Variants in SLIT3 observed in about 807,000 individuals in gnomAD.
SLIT3 encodes slit homolog 3 protein.
SLIT3 carries 68 observed loss-of-function variants against 184.0 expected under a neutral mutation model. The ratio of observed to expected loss-of-function variants is 0.37; its 90% CI spans 0.30 to 0.45. The LOEUF is 0.45. SLIT3 is among the 20% of genes least tolerant of loss of function. The pLI is 1.00. For missense variants in SLIT3, 1,707 were observed against 2,026.0 expected (o/e 0.84, Z 3.02); for synonymous variants, 831 against 828.6 (o/e 1.00, Z -0.05).
At chr5:168,814,033 G>A (rs1757249385) in intron 8 of SLIT3, among the ~76,000 whole-genome samples, 1 of 152,110 alleles carries the variant, frequency 6.6e-6, no homozygotes, top group African/African-American at 2.4e-5. Context: ...GTTCTTGACT[G>A]AATTTCTCCT....
intron 4 of SLIT3, among the ~76,000 whole-genome samples, chr5:169,030,979 C>T (rs996078939): frequency 1.3e-5 from 2 of 152,208 alleles, no homozygotes; most frequent in Non-Finnish European, 2.9e-5. Flanking sequence ...GCAGACAGGG[C>T]TCAGGGTATT....
At chr5:168,959,944 G>A (rs1203877959) in intron 4 of SLIT3, among the ~76,000 whole-genome samples, 2 of 152,186 alleles carry the variant, frequency 1.3e-5, no homozygotes, top group Non-Finnish European at 2.9e-5. Context: ...TTAGCGCTAA[G>A]GGAACGAAGG....
intron 3 of SLIT3, among the ~76,000 whole-genome samples, chr5:169,210,396 G>C (rs1764222977): frequency 6.6e-6 from 1 of 152,074 alleles, no homozygotes; most frequent in Non-Finnish European, 1.5e-5. Flanking sequence ...TTAAAGAGAG[G>C]CCAAGGAAAA....
chr5:168,821,595 T>C (rs1757533907), intron 7 of SLIT3, among the ~76,000 whole-genome samples: 1 of 152,234 alleles, frequency 6.6e-6, no homozygotes, highest in Non-Finnish European at 1.5e-5. Flanking sequence ...ACAGATTTTC[T>C]TGGCTGAGTT....
At chr5:168,877,562 C>G (rs1759779979) in intron 5 of SLIT3, among the ~76,000 whole-genome samples, 2 of 152,170 alleles carry the variant, frequency 1.3e-5, no homozygotes, top group Non-Finnish European at 1.5e-5. Context: ...TGTCCCTCCC[C>G]ACACCTCCCT....
At chr5:169,142,932 G>T (rs1761794988) in intron 4 of SLIT3, among the ~76,000 whole-genome samples, 2 of 152,184 alleles carry the variant, frequency 1.3e-5, no homozygotes, top group African/African-American at 2.4e-5. Flanking sequence ...AGTAATAAAA[G>T]AATATATCTT....
At chr5:169,018,972 C>T (rs1756496973) in intron 4 of SLIT3, among the ~76,000 whole-genome samples, 1 of 152,152 alleles carries the variant, frequency 6.6e-6, no homozygotes, top group Non-Finnish European at 1.5e-5. Flanking sequence ...CCATTAGCAC[C>T]CTGCATTGAC....
intron 34 of SLIT3, among the ~76,000 whole-genome samples, chr5:168,670,471 C>A (rs1205702251): frequency 6.6e-6 from 1 of 152,242 alleles, no homozygotes; most frequent in South Asian, 2.1e-4. Context: ...GTACATTTCA[C>A]CCATGGAAAA....
At chr5:169,134,405 G>A (rs978528679) in intron 4 of SLIT3, among the ~76,000 whole-genome samples, 2 of 152,160 alleles carry the variant, frequency 1.3e-5, no homozygotes, top group Admixed American at 1.3e-4. Flanking sequence ...CTTCATGCTT[G>A]CTGCTCCCTT....
intron 3 of SLIT3, among the ~76,000 whole-genome samples, chr5:169,222,521 A>G (rs915578428): frequency 1.3e-5 from 2 of 152,050 alleles, no homozygotes; most frequent in Admixed American, 1.3e-4. Context: ...GTGATGAAAG[A>G]AAAAAAAGAT....
chr5:169,158,400 G>GA (rs767625082), intron 4 of SLIT3, among the ~76,000 whole-genome samples: 8 of 151,696 alleles, frequency 5.3e-5, no homozygotes, highest in Non-Finnish European at 8.8e-5. Flanking sequence ...GGAATGAAGG[G>GA]AAAATCAAGA....
chr5:168,936,826 C>T (rs145622816), intron 4 of SLIT3, among the ~76,000 whole-genome samples: 217 of 152,226 alleles, frequency 1.4e-3, no homozygotes, highest in African/African-American at 5.0e-3. Context: ...ACTTATTGAG[C>T]ACCTACTAGG....
At chr5:168,682,642 T>A (rs1290082989) in intron 32 of SLIT3, among the ~76,000 whole-genome samples, 1 of 152,222 alleles carries the variant, frequency 6.6e-6, no homozygotes, top group African/African-American at 2.4e-5. Context: ...GGAGGGGGGA[T>A]CTTTGCTTCA....
intron 4 of SLIT3, among the ~76,000 whole-genome samples, chr5:169,015,859 G>A (rs1044655356): frequency 6.6e-6 from 1 of 151,678 alleles, no homozygotes; most frequent in Non-Finnish European, 1.5e-5. Context: ...GTTTGAGGCT[G>A]TAGTGAGCTA....
chr5:169,055,848 A>T (rs79068892), intron 4 of SLIT3, among the ~76,000 whole-genome samples: 4,097 of 150,882 alleles, frequency 0.027, 198 homozygotes, highest in East Asian at 0.25. Context: ...AAAAAAAAAG[A>T]AAAAAGAAAA....
intron 4 of SLIT3, among the ~76,000 whole-genome samples, chr5:168,903,916 G>A (rs1458724987): frequency 1.3e-5 from 2 of 152,170 alleles, no homozygotes; most frequent in Non-Finnish European, 2.9e-5. Flanking sequence ...TTCTCTGATC[G>A]AAGTGGGGAC....
chr5:168,797,634 G>C (rs1431754137), intron 9 of SLIT3, among the ~76,000 whole-genome samples: 1 of 152,208 alleles, frequency 6.6e-6, no homozygotes, highest in African/African-American at 2.4e-5. Context: ...AATCTGATGA[G>C]AGAGACCAGC....
intron 4 of SLIT3, among the ~76,000 whole-genome samples, chr5:169,167,066 A>C (rs1484521301): frequency 2.0e-5 from 3 of 151,930 alleles, no homozygotes; most frequent in Admixed American, 6.5e-5. Context: ...GCTACTCTAG[A>C]GGCTGAGGTG....
chr5:169,015,990 T>G (rs1331523702), intron 4 of SLIT3, among the ~76,000 whole-genome samples: 1 of 117,434 alleles, frequency 8.5e-6, no homozygotes. Context: ...ACACACAACT[T>G]TCTGTCTGCC....
Sources: allele counts gnomAD v4.1 joint callset (sites outside exome capture counted in the v4.1 genomes callset), GRCh38; gene constraint gnomAD v4.1.1; transcripts MANE v1.5; gene names NCBI Gene and HGNC (gene_info 2026-07-23, HGNC 2026-07-21).